APBA1: variants seen among roughly 807,000 people sequenced by gnomAD.
APBA1 encodes amyloid beta precursor protein binding family A member 1.
APBA1 carries 55 observed loss-of-function variants against 86.6 expected under a neutral mutation model. The ratio of observed to expected loss-of-function variants is 0.64; its 90% CI spans 0.51 to 0.80. APBA1 has a LOEUF of 0.80. APBA1 is among the 30% of genes least tolerant of loss of function. APBA1 has a pLI of 0.00. For synonymous variants in APBA1, 511 were observed against 493.9 expected (o/e 1.03, Z -0.46); for missense variants, 1,090 against 1,183.0 (o/e 0.92, Z 1.15).
chr9:69,454,793 C>T (rs548691235), intron 8 of APBA1, among the ~76,000 whole-genome samples: 5 of 152,214 alleles, frequency 3.3e-5, no homozygotes, highest in South Asian at 4.1e-4. Flanking sequence ...TTCATCTTTT[C>T]GCTGGCCTGC....
intron 1 of APBA1, among the ~76,000 whole-genome samples, chr9:69,532,817 T>C (rs562285226): frequency 6.6e-6 from 1 of 152,316 alleles, no homozygotes; most frequent in East Asian, 1.9e-4. Context: ...TTGCAATCAT[T>C]AATTCTTACA....
intron 2 of APBA1, among the ~76,000 whole-genome samples, chr9:69,512,050 G>A (rs897010141): frequency 2.0e-5 from 3 of 150,634 alleles, no homozygotes; most frequent in Non-Finnish European, 4.4e-5. Flanking sequence ...ATGTGCACAT[G>A]TACCCTAAAA....
intron 1 of APBA1, among the ~76,000 whole-genome samples, chr9:69,658,406 CTCTTTCTT>C (rs1216461016): frequency 1.4e-5 from 2 of 146,976 alleles, no homozygotes; most frequent in African/African-American, 5.0e-5. Flanking sequence ...CTTTCCCTCT[CTCTTTCTT>C]TCTTTCTTTC....
In APBA1 at chr9:69,476,106, T is replaced by C. The variant is rs1027229454; in HGVS notation, c.1238A>G (p.Glu413Gly). ...SPGSSSPLGA[E>G]SSSTSLHPSD... Reference sequence around the variant, plus strand: ...GGGGTGAAGAGATGTGCTTGATGACTCTGCACCCAAGGGGGAGGAGCTGCC... The same window carrying C: ...GGGGTGAAGAGATGTGCTTGATGACCCTGCACCCAAGGGGGAGGAGCTGCC... Residue 413 changes from glutamate (E) to glycine (G), a missense_variant, in exon 3 of 13, where the codon GAG (glutamate) becomes GGG (glycine). Around this residue, in one of 6 missense-constraint regions of APBA1, gnomAD observed 678 missense variants for 647.1 expected, o/e 1.05. Coordinates refer to ENST00000265381, the MANE Select transcript of APBA1 (RefSeq NM_001163.4). 4 of 1,613,914 alleles carry C rather than the reference T, an allele frequency of 2.5e-6. No individual in the cohort carries two copies. In the African/African-American group the frequency reaches 5.3e-5, roughly 22 times the overall value.
chr9:69,642,722 T>C (rs971936246), intron 1 of APBA1, among the ~76,000 whole-genome samples: 3 of 151,916 alleles, frequency 2.0e-5, no homozygotes, highest in Admixed American at 6.6e-5. Context: ...GATTAACATT[T>C]AAATGGTAGA....
At chr9:69,432,481 G>A (rs984027383) in intron 12 of APBA1, 55 bp downstream of exon 12, 2 of 1,431,302 alleles carry the variant, frequency 1.4e-6, no homozygotes, top group Non-Finnish European at 1.8e-6. Context: ...AGCATACGAG[G>A]CAGGGGCACC....
rs529390570 is a variant in APBA1, at chr9:69,467,029, G to GT, written c.1482+793dup. ...GGCTGCCCAGTGGTTCCAGGTGCTG[G>GT]TGGCACAATGGCATGTGGATGACAT... On this transcript the variant is annotated intron_variant, in intron 5 of 12. Coordinates refer to ENST00000265381, the MANE Select transcript of APBA1 (RefSeq NM_001163.4). Among the ~76,000 whole-genome samples, 171 of 152,332 alleles carry GT rather than the reference G, an allele frequency of 1.1e-3. 1 individual carries two copies. The highest frequency in any genetic ancestry group is 3.9e-3 in the African/African-American group (161 of 41,580).
chr9:69,506,222 G>A (rs959511288), intron 2 of APBA1, among the ~76,000 whole-genome samples: 2 of 151,668 alleles, frequency 1.3e-5, no homozygotes, highest in South Asian at 2.1e-4. Context: ...CACCGTGCGC[G>A]AGCCAAAGCA....
chr9:69,558,680 T>C (rs1442282678), intron 1 of APBA1, among the ~76,000 whole-genome samples: 1 of 151,996 alleles, frequency 6.6e-6, no homozygotes, highest in Non-Finnish European at 1.5e-5. Context: ...GTACAGATTA[T>C]TTCGTCACCC....
At chr9:69,662,021 A>AACACACACACACACACAC (rs3069250) in intron 1 of APBA1, among the ~76,000 whole-genome samples, 45 of 146,760 alleles carry the variant, frequency 3.1e-4, no homozygotes, top group African/African-American at 1.1e-3. Flanking sequence ...GACAAACAGT[A>AACACACACACACACACAC]ACACACACAC....
In APBA1 at chr9:69,516,035, G is replaced by A. The variant is rs375520741; in HGVS notation, c.1176C>T (p.Asp392=). Residue 392 remains aspartate (D), a synonymous_variant, in exon 2 of 13, where the codon GAC becomes GAT. Coordinates refer to ENST00000265381, the MANE Select transcript of APBA1 (RefSeq NM_001163.4). The surrounding 1 kb of genome is among the most constrained non-coding windows in gnomAD (Gnocchi z 7.3). ...CATCTCCGTCCATCGGCCTCTGGTC[G>A]TCACAGTCCCTGGTGGGGCTAATGT... ...RQDISPTRDC[D]DQRPMDGDSP... The A allele has an allele frequency of 2.4e-5, 38 of 1,589,256 alleles. No homozygotes were observed. The Admixed American group carries it at 6.5e-4, about 27-fold the overall frequency.
chr9:69,601,377 T>C (rs1822347487), intron 1 of APBA1, among the ~76,000 whole-genome samples: 1 of 152,204 alleles, frequency 6.6e-6, no homozygotes, highest in African/African-American at 2.4e-5. Context: ...GCCTGAAATA[T>C]AGGAAGATAT....
rs1262485704 is a variant in APBA1, at chr9:69,658,302, C to CTT, written c.-70+13850_-70+13851insAA. On this transcript the variant is annotated intron_variant, in intron 1 of 12. Transcript: ENST00000265381. ...TTTCTTTCTCTCTCTCTTTCTCTCTCTCTCTTTCTTTCTTTCTTTCTTTCT... is the reference window on the plus strand; with the variant it reads ...TTTCTTTCTCTCTCTCTTTCTCTCTCTTTCTCTTTCTTTCTTTCTTTCTTTCT... 9.8e-4 allele frequency among the ~76,000 whole-genome samples: 82 copies of CTT among 83,706 alleles called. 1 individual carries two copies. In the East Asian group the frequency reaches 0.017, roughly 17 times the overall value. The allele number at this position is 83,706 out of a possible 152,430, so 54.9% of individuals were successfully genotyped here.
chr9:69,467,159 G>A (rs1835292641), intron 5 of APBA1, among the ~76,000 whole-genome samples: 1 of 152,318 alleles, frequency 6.6e-6, no homozygotes, highest in South Asian at 2.1e-4. Flanking sequence ...ATTTATTCAT[G>A]GGAATAAACC....
chr9:69,510,996 C>T (rs1836027208), intron 2 of APBA1, among the ~76,000 whole-genome samples: 1 of 150,556 alleles, frequency 6.6e-6, no homozygotes, highest in South Asian at 2.1e-4. Flanking sequence ...CATTACCATT[C>T]AGGACATAGG....
At chr9:69,456,749 G>C (rs1835105106) in intron 7 of APBA1, among the ~76,000 whole-genome samples, 1 of 151,494 alleles carries the variant, frequency 6.6e-6, no homozygotes, top group Non-Finnish European at 1.5e-5. Flanking sequence ...TTGTGTGCGT[G>C]AATGTAAGAG....
chr9:69,656,652 T>C (rs1474552459), intron 1 of APBA1, among the ~76,000 whole-genome samples: 2 of 152,232 alleles, frequency 1.3e-5, no homozygotes, highest in African/African-American at 2.4e-5. Context: ...GCTAGTTATA[T>C]AGTTTTTCAG....
At chr9:69,456,158 T>A (rs942630976) in intron 8 of APBA1, 89 bp downstream of exon 8, 15 of 1,361,472 alleles carry the variant, frequency 1.1e-5, no homozygotes, top group East Asian at 2.3e-5. Context: ...AATAAATACA[T>A]GCATCATGTG....
intron 1 of APBA1, among the ~76,000 whole-genome samples, chr9:69,537,114 T>A (rs1288892724): frequency 6.6e-6 from 1 of 151,196 alleles, no homozygotes; most frequent in Admixed American, 6.6e-5. Context: ...TTTCCCCCCA[T>A]CTCCAAAGAA....
Sources: gnomAD v4.1 joint callset for allele counts (sites outside exome capture counted in the v4.1 genomes callset) on GRCh38, gnomAD v4.1.1 for gene constraint, gnomAD v4.1.1 regional missense constraint, Gnocchi (gnomAD v3.1) non-coding constraint, MANE v1.5 for transcripts, NCBI Gene and HGNC (gene_info 2026-07-23, HGNC 2026-07-21) for gene names.